GNAQ: variants seen among roughly 807,000 people sequenced by gnomAD.
GNAQ encodes the protein G protein subunit alpha q, also known as guanine nucleotide-binding protein G(q) subunit alpha.
In GNAQ, 8 loss-of-function variants were observed where a neutral mutation model predicts 43.9. The observed-to-expected ratio is 0.18, with a 90% CI of 0.11 to 0.33. The LOEUF is 0.33. Among genes scored for constraint, GNAQ ranks in the 10% least tolerant of loss-of-function variants. The pLI is 1.00. For missense variants in GNAQ, 158 were observed against 450.8 expected (o/e 0.35, Z 5.88); for synonymous variants, 155 against 170.7 (o/e 0.91, Z 0.71).
At chr9:77,996,053 C>T (rs1823563514) in intron 1 of GNAQ, among the ~76,000 whole-genome samples, 1 of 151,804 alleles carries the variant, frequency 6.6e-6, no homozygotes, top group Non-Finnish European at 1.5e-5. Flanking sequence ...AGCAATTCCT[C>T]TTCACCACAG....
chr9:77,862,932 A>T (rs1016058932), intron 2 of GNAQ, among the ~76,000 whole-genome samples: 1 of 152,022 alleles, frequency 6.6e-6, no homozygotes, highest in African/African-American at 2.4e-5. Flanking sequence ...TAATCCCAGC[A>T]CTTTGGGAGG....
chr9:77,820,329 G>A (rs1000872228), intron 2 of GNAQ, among the ~76,000 whole-genome samples: 14 of 152,146 alleles, frequency 9.2e-5, no homozygotes, highest in African/African-American at 2.4e-4. Flanking sequence ...ACTGTTTCAC[G>A]TTTTCTGACT....
At chr9:78,005,791 A>C (rs930404561) in intron 1 of GNAQ, among the ~76,000 whole-genome samples, 3 of 151,730 alleles carry the variant, frequency 2.0e-5, no homozygotes, top group Non-Finnish European at 4.4e-5. Context: ...CCCCACGACT[A>C]CTCCCCAGGC....
intron 2 of GNAQ, among the ~76,000 whole-genome samples, chr9:77,849,430 G>A (rs1486001500): frequency 1.3e-5 from 2 of 152,064 alleles, no homozygotes; most frequent in Non-Finnish European, 2.9e-5. Context: ...GTTCAATGTG[G>A]AGCCATGTGG....
At position 78,031,147 on chromosome 9, in the gene GNAQ, C is replaced by T. The variant is rs2118632251; in HGVS notation, c.89G>A (p.Arg30His). The T allele has an allele frequency of 1.3e-6, 2 of 1,545,280 alleles. No individual in the cohort carries two copies. Among genetic ancestry groups the T allele is most frequent in the Non-Finnish European group, 1.7e-6 (2 of 1,146,694 alleles). ...RINDEIERQL[R>H]RDKRDARREL... Reference sequence around the variant, plus strand: ...CCGGCGGGCGTCCCGCTTGTCCCTGCGGAGCTGCCGCTCGATCTCGTCGTT... The same window carrying T: ...CCGGCGGGCGTCCCGCTTGTCCCTGTGGAGCTGCCGCTCGATCTCGTCGTT... The change falls in exon 1 of 7, where the codon CGC becomes CAC. Residue 30 changes from arginine to histidine, a missense_variant. Physicochemically the swap from Arg to His is conservative, Grantham distance 29. Coordinates refer to ENST00000286548, the MANE Select transcript of GNAQ (RefSeq NM_002072.5).
chr9:77,949,524 A>G (rs11145629), intron 1 of GNAQ, among the ~76,000 whole-genome samples: 45,128 of 152,032 alleles, frequency 0.3, 6,900 homozygotes, highest in South Asian at 0.44. Flanking sequence ...AGTGCCGGCC[A>G]CACAAGTCCC....
chr9:77,815,595 G>T lies in GNAQ; in HGVS notation c.476+21C>A, dbSNP rs372673393. 1.1e-4 allele frequency: 170 copies of T among 1,548,656 alleles called. No homozygotes were observed. In the African/African-American group the frequency reaches 2.1e-3, roughly 19 times the overall value. ...GGAAGTAAAGAGAAAAATCCATAGG[G>T]CCACCTGGAAAGATACTCACTATTT... On this transcript the variant is annotated intron_variant, in intron 3 of 6. Coordinates refer to ENST00000286548, the MANE Select transcript of GNAQ (RefSeq NM_002072.5).
intron 2 of GNAQ, among the ~76,000 whole-genome samples, chr9:77,857,585 AAG>A (rs1321841466): frequency 6.8e-6 from 1 of 147,462 alleles, no homozygotes; most frequent in Admixed American, 6.8e-5. Context: ...AAGGGTAGAA[AAG>A]AGAAGGGTAG....
intron 2 of GNAQ, among the ~76,000 whole-genome samples, chr9:77,894,302 G>GTATAT (rs1828451482): frequency 1.1e-4 from 1 of 9,360 alleles, no homozygotes; most frequent in Non-Finnish European, 2.2e-4. Context: ...TGTTTTAATA[G>GTATAT]AATATATATA....
At chr9:77,854,645 G>A (rs7048503) in intron 2 of GNAQ, among the ~76,000 whole-genome samples, 18,776 of 152,112 alleles carry the variant, frequency 0.12, 1,231 homozygotes, top group East Asian at 0.23. Flanking sequence ...TGTGAATGCC[G>A]TTTAAGAAGC....
At chr9:77,851,237 C>T (rs1411644255) in intron 2 of GNAQ, among the ~76,000 whole-genome samples, 3 of 152,120 alleles carry the variant, frequency 2.0e-5, no homozygotes, top group African/African-American at 7.2e-5. Context: ...CTGAGACACC[C>T]AAGGTTTCAG....
chr9:78,000,849 A>C (rs931532293), intron 1 of GNAQ, among the ~76,000 whole-genome samples: 1 of 152,344 alleles, frequency 6.6e-6, no homozygotes, highest in African/African-American at 2.4e-5. Flanking sequence ...CACAGAAAAA[A>C]ATGTTTAAAA....
intron 2 of GNAQ, among the ~76,000 whole-genome samples, chr9:77,861,808 T>C (rs950703907): frequency 1.3e-5 from 2 of 152,010 alleles, no homozygotes; most frequent in Non-Finnish European, 2.9e-5. Flanking sequence ...GAGACCAGCC[T>C]GGCCAACATG....
intron 2 of GNAQ, among the ~76,000 whole-genome samples, chr9:77,834,009 T>C (rs1024983707): frequency 1.3e-5 from 2 of 152,232 alleles, no homozygotes; most frequent in Admixed American, 6.5e-5. Context: ...TTTAAATATG[T>C]AATCATACAG....
chr9:77,863,636 T>G (rs1052030243), intron 2 of GNAQ, among the ~76,000 whole-genome samples: 3 of 152,102 alleles, frequency 2.0e-5, no homozygotes, highest in Non-Finnish European at 4.4e-5. Context: ...ACCGTACTAG[T>G]CCATTTCACG....
chr9:77,816,904 C>G (rs746386706), intron 2 of GNAQ, among the ~76,000 whole-genome samples: 2 of 152,174 alleles, frequency 1.3e-5, no homozygotes, highest in Non-Finnish European at 2.9e-5. Context: ...TGCCAATAGA[C>G]TAATCTTGAC....
intron 5 of GNAQ, among the ~76,000 whole-genome samples, chr9:77,757,820 G>T (rs1825929205): frequency 6.6e-6 from 1 of 152,162 alleles, no homozygotes; most frequent in South Asian, 2.1e-4. Context: ...ATTTTCAGCA[G>T]TCCAATATCT....
intron 2 of GNAQ, among the ~76,000 whole-genome samples, chr9:77,875,385 T>G (rs2118043595): frequency 6.6e-6 from 1 of 152,350 alleles, no homozygotes; most frequent in Non-Finnish European, 1.5e-5. Flanking sequence ...AACAGTCAGC[T>G]GTGCTAATTA....
At chr9:77,923,969 T>C (rs987708282) in intron 1 of GNAQ, among the ~76,000 whole-genome samples, 8 of 152,232 alleles carry the variant, frequency 5.3e-5, no homozygotes, top group South Asian at 2.1e-4. Flanking sequence ...ACAGTTTTCA[T>C]AGAAGCCTCT....
Sources: allele counts gnomAD v4.1 joint callset (sites outside exome capture counted in the v4.1 genomes callset), GRCh38; gene constraint gnomAD v4.1.1; transcripts MANE v1.5; gene names NCBI Gene and HGNC (gene_info 2026-07-23, HGNC 2026-07-21).